The following PEPD variants were observed in gnomAD, a reference collection of about 807,000 sequenced individuals.
PEPD encodes peptidase D, also known as xaa-Pro dipeptidase.
Under a neutral mutation model 60.7 loss-of-function variants are expected in PEPD, and 53 were observed. That is an observed-to-expected ratio of 0.87 (90% CI 0.70 to 1.10). The LOEUF (loss-of-function observed/expected upper bound fraction) is 1.10. Ranked by LOEUF, PEPD falls within the 50% of genes least tolerant of loss-of-function variation. The pLI is 0.00. For synonymous variants in PEPD, 267 were observed against 284.1 expected, an observed-to-expected ratio of 0.94 and a Z score of 0.60; for missense variants, 711 against 711.9, an observed-to-expected ratio of 1.00 and a Z score of 0.01.
chr19:33,436,239 GAGA>G (rs1969374210), intron 9 of PEPD, among the ~76,000 whole-genome samples: 1 of 151,816 alleles, frequency 6.6e-6, no homozygotes, highest in Admixed American at 6.6e-5. Flanking sequence ...AGAGGAGGGA[GAGA>G]AGGAGAGGCG....
intron 11 of PEPD, among the ~76,000 whole-genome samples, chr19:33,404,809 T>C (rs981025087): frequency 4.2e-5 from 6 of 141,880 alleles, no homozygotes; most frequent in African/African-American, 1.6e-4. Context: ...TCCCTATCTT[T>C]TTCTGCCTTA....
chr19:33,390,589 G>A (rs1968193229), intron 13 of PEPD, among the ~76,000 whole-genome samples: 1 of 151,002 alleles, frequency 6.6e-6, no homozygotes, highest in African/African-American at 2.4e-5. Flanking sequence ...AGCCCGCCAA[G>A]GGCAGGGATG....
chr19:33,497,083 T>G (rs995655031), intron 4 of PEPD, among the ~76,000 whole-genome samples: 9 of 152,266 alleles, frequency 5.9e-5, no homozygotes, highest in Non-Finnish European at 1.3e-4. Context: ...CTTTTACAAT[T>G]TCAAATTTGT....
At chr19:33,401,687 C>T (rs1404208802) in intron 12 of PEPD, 34 bp downstream of exon 12, 1 of 1,591,178 alleles carries the variant, frequency 6.3e-7, no homozygotes, top group South Asian at 1.1e-5. Context: ...AACGCCACGT[C>T]AGATGCGCCT....
rs1403378902 is a variant in PEPD, at chr19:33,493,226, T to C, written c.441+64A>G. The C allele has an allele frequency of 2.6e-6, 3 of 1,139,676 alleles. No individual in the cohort carries two copies. The Admixed American group carries it at 5.2e-5, about 20-fold the overall frequency. The allele number at this position is 1,139,676 out of a possible 1,614,324, so 70.6% of individuals were successfully genotyped here. A position where few individuals can be genotyped will look rare whatever the true frequency, so the allele number is the denominator to read the frequency against. ...ATGGGCCCGACCTCTGCAGGAGAGG[T>C]GGCCCCCATAAAAACCCTCCCCAGA... On this transcript the variant is annotated intron_variant, in intron 5 of 14. Coordinates refer to ENST00000244137, the MANE Select transcript of PEPD (RefSeq NM_000285.4).
intron 11 of PEPD, among the ~76,000 whole-genome samples, chr19:33,407,865 G>A (rs935083045): frequency 2.0e-5 from 3 of 152,270 alleles, no homozygotes; most frequent in Non-Finnish European, 4.4e-5. Context: ...ACAAAGTCCC[G>A]TCCCTCACCC....
At chr19:33,506,506 C>G (rs1970815077) in intron 3 of PEPD, among the ~76,000 whole-genome samples, 1 of 147,176 alleles carries the variant, frequency 6.8e-6, no homozygotes, top group South Asian at 2.2e-4. Context: ...CCACACACAC[C>G]CATACACACC....
chr19:33,470,957 C>A (rs1014604202), intron 7 of PEPD, among the ~76,000 whole-genome samples: 1 of 152,148 alleles, frequency 6.6e-6, no homozygotes, highest in South Asian at 2.1e-4. Flanking sequence ...CTCCACTCTG[C>A]CTCCCACTGC....
At chr19:33,439,801 G>T (rs949283444) in intron 9 of PEPD, among the ~76,000 whole-genome samples, 3 of 152,182 alleles carry the variant, frequency 2.0e-5, no homozygotes, top group Non-Finnish European at 2.9e-5. Flanking sequence ...AACCTACAGG[G>T]TGCTGCCACC....
chr19:33,392,090 C>T (rs1241937485), intron 12 of PEPD, among the ~76,000 whole-genome samples: 5 of 152,220 alleles, frequency 3.3e-5, no homozygotes, highest in African/African-American at 9.6e-5. Context: ...CACGGCCCCA[C>T]GAGCTGGCTG....
At chr19:33,453,131 T>A (rs1016762316) in intron 9 of PEPD, among the ~76,000 whole-genome samples, 1 of 151,506 alleles carries the variant, frequency 6.6e-6, no homozygotes, top group Admixed American at 6.6e-5. Flanking sequence ...AGAGGCAATA[T>A]AATGAGATCC....
intron 6 of PEPD, among the ~76,000 whole-genome samples, chr19:33,479,761 T>C (rs1469766792): frequency 6.6e-6 from 1 of 152,270 alleles, no homozygotes; most frequent in Non-Finnish European, 1.5e-5. Flanking sequence ...TCATTCTTTT[T>C]TATGGTTGCA....
rs1435051635 is a variant in PEPD, at chr19:33,493,346, T to A, written c.394-9A>T. 5.0e-6 allele frequency: 8 copies of A among 1,611,234 alleles called. No homozygotes were observed. The highest frequency in any genetic ancestry group is 4.0e-5 in the African/African-American group (3 of 74,666). ...GTCAGGACGCTGGCAATCTAGAAGG[T>A]CGGAAAGAAAAACCCACTTTAGAGG... On this transcript the variant is annotated splice_polypyrimidine_tract_variant and intron_variant, in intron 4 of 14. Transcript: ENST00000244137.
At chr19:33,515,154 C>T (rs762450082) in intron 1 of PEPD, among the ~76,000 whole-genome samples, 16 of 152,180 alleles carry the variant, frequency 1.1e-4, no homozygotes, top group Admixed American at 6.5e-4. Flanking sequence ...ACACAGCAAA[C>T]GCTCAACACA....
intron 1 of PEPD, among the ~76,000 whole-genome samples, chr19:33,515,225 A>G (rs1971003760): frequency 6.6e-6 from 1 of 152,136 alleles, no homozygotes; most frequent in Non-Finnish European, 1.5e-5. Context: ...ATGCCACATC[A>G]GCCGCAGCAG....
intron 9 of PEPD, among the ~76,000 whole-genome samples, chr19:33,452,373 A>G (rs548183673): frequency 3.9e-5 from 6 of 152,214 alleles, no homozygotes; most frequent in Non-Finnish European, 8.8e-5. Flanking sequence ...AAAATAAACT[A>G]AGATTCAACT....
intron 12 of PEPD, among the ~76,000 whole-genome samples, chr19:33,401,032 C>T (rs1351708912): frequency 6.6e-6 from 1 of 152,136 alleles, no homozygotes; most frequent in Non-Finnish European, 1.5e-5. Flanking sequence ...ATCAACGGCG[C>T]GCGGTGGGAG....
At chr19:33,506,804 C>T (rs1970822014) in intron 3 of PEPD, among the ~76,000 whole-genome samples, 1 of 150,844 alleles carries the variant, frequency 6.6e-6, no homozygotes, top group South Asian at 2.1e-4. Context: ...AAACACCCTA[C>T]ACACCACACA....
intron 14 of PEPD, 172 bp downstream of exon 14, chr19:33,387,718 G>A: frequency 2.6e-6 from 2 of 763,252 alleles, no homozygotes; most frequent in Non-Finnish European, 2.2e-6. Context: ...ATCTCTGTCT[G>A]TTCCTACTGA....
Sources: gnomAD v4.1 joint callset for allele counts (sites outside exome capture counted in the v4.1 genomes callset) on GRCh38, gnomAD v4.1.1 for gene constraint, MANE v1.5 for transcripts, NCBI Gene and HGNC (gene_info 2026-07-23, HGNC 2026-07-21) for gene names.